HTR1F: variants seen among roughly 807,000 people sequenced by gnomAD.
HTR1F encodes the protein 5-hydroxytryptamine (serotonin) receptor 1F, G protein-coupled.
A neutral mutation model predicts 24.0 loss-of-function variants in HTR1F; 17 were observed. The ratio of observed to expected loss-of-function variants is 0.71; its 90% CI spans 0.48 to 1.06. HTR1F has a LOEUF of 1.06. Among genes scored for constraint, HTR1F ranks in the 50% least tolerant of loss-of-function variants. The pLI, the probability that HTR1F is intolerant of heterozygous loss-of-function variation, is 0.00. For missense variants in HTR1F, 391 were observed against 427.8 expected (o/e 0.91, Z 0.76); for synonymous variants, 186 against 156.8 (o/e 1.19, Z -1.39).
intron 2 of HTR1F, among the ~76,000 whole-genome samples, chr3:87,904,866 C>T (rs1218818555): frequency 6.6e-6 from 1 of 152,008 alleles, no homozygotes; most frequent in African/African-American, 2.4e-5. Flanking sequence ...TTGGAGGAGA[C>T]ATAGGGATAC....
intron 2 of HTR1F, among the ~76,000 whole-genome samples, chr3:87,847,028 A>G (rs1704960803): frequency 6.6e-6 from 1 of 151,942 alleles, no homozygotes; most frequent in South Asian, 2.1e-4. Flanking sequence ...AAAAATAAAA[A>G]CAAAAATAGC....
At chr3:87,900,881 C>T (rs1295000127) in intron 2 of HTR1F, among the ~76,000 whole-genome samples, 1 of 152,018 alleles carries the variant, frequency 6.6e-6, no homozygotes, top group Non-Finnish European at 1.5e-5. Flanking sequence ...GACATCCATG[C>T]AGAAATTTTA....
chr3:87,822,868 T>C (rs1255275984), intron 2 of HTR1F, among the ~76,000 whole-genome samples: 8 of 152,212 alleles, frequency 5.3e-5, no homozygotes, highest in Non-Finnish European at 4.4e-5. Flanking sequence ...AGGTCACTGA[T>C]CTGCTGGCTC....
intron 2 of HTR1F, among the ~76,000 whole-genome samples, chr3:87,940,034 G>T (rs1326470818): frequency 6.6e-6 from 1 of 152,172 alleles, no homozygotes; most frequent in Admixed American, 6.5e-5. Flanking sequence ...CACTGCTTTA[G>T]ATGTGTCCCA....
At chr3:87,888,033 G>A (rs1705995480) in intron 2 of HTR1F, among the ~76,000 whole-genome samples, 1 of 152,066 alleles carries the variant, frequency 6.6e-6, no homozygotes, top group South Asian at 2.1e-4. Flanking sequence ...TGTTTACTGT[G>A]GCACTGTTCA....
chr3:87,991,754 T>C lies in HTR1F; in HGVS notation c.1005T>C (p.Leu335=). The change falls in exon 3 of 3, where the codon CTT becomes CTC. Residue 335 remains leucine, a synonymous_variant. Coordinates refer to ENST00000319595, the MANE Select transcript of HTR1F (RefSeq NM_001322209.2). The part of the protein sequence containing the change: ...SEEMSNFLAW[L]GYLNSLINPL... ...AAATGTCCAATTTTTTGGCATGGCTTGGGTATCTCAATTCCCTTATAAATC... is the reference window on the plus strand; with the variant it reads ...AAATGTCCAATTTTTTGGCATGGCTCGGGTATCTCAATTCCCTTATAAATC... The C allele has an allele frequency of 6.2e-7, 1 of 1,613,774 alleles. No individual in the cohort carries two copies. The highest frequency in any genetic ancestry group is 8.5e-7 in the Non-Finnish European group (1 of 1,179,746).
intron 2 of HTR1F, among the ~76,000 whole-genome samples, chr3:87,912,213 T>G (rs1330586042): frequency 6.6e-6 from 1 of 151,936 alleles, no homozygotes; most frequent in Non-Finnish European, 1.5e-5. Flanking sequence ...AAAAAAAACT[T>G]TAGCAAAATT....
At chr3:87,944,069 G>T (rs1704637577) in intron 2 of HTR1F, among the ~76,000 whole-genome samples, 1 of 152,112 alleles carries the variant, frequency 6.6e-6, no homozygotes, top group African/African-American at 2.4e-5. Context: ...TATCAGATTA[G>T]TTATGCTCAC....
intron 2 of HTR1F, among the ~76,000 whole-genome samples, chr3:87,830,810 C>T (rs1334358396): frequency 1.3e-5 from 2 of 152,042 alleles, no homozygotes; most frequent in South Asian, 2.1e-4. Flanking sequence ...GATGGACTTG[C>T]GCCAGAGATT....
chr3:87,931,045 T>TTC (rs1704254408), intron 2 of HTR1F, among the ~76,000 whole-genome samples: 1 of 115,136 alleles, frequency 8.7e-6, no homozygotes, highest in African/African-American at 3.7e-5. Context: ...TTTTTTTTTT[T>TTC]TACTTTTTTT....
At chr3:87,839,258 G>C (rs1164829833) in intron 2 of HTR1F, among the ~76,000 whole-genome samples, 1 of 151,990 alleles carries the variant, frequency 6.6e-6, no homozygotes, top group Non-Finnish European at 1.5e-5. Context: ...GATAGTGTAA[G>C]ATAAGGGCCT....
At chr3:87,816,140 A>G (rs1704245948) in intron 1 of HTR1F, among the ~76,000 whole-genome samples, 1 of 152,086 alleles carries the variant, frequency 6.6e-6, no homozygotes, top group Admixed American at 6.5e-5. Flanking sequence ...GTGGCTAAAT[A>G]TCACTCTCTT....
At chr3:87,835,835 G>C (rs1704671714) in intron 2 of HTR1F, among the ~76,000 whole-genome samples, 1 of 151,978 alleles carries the variant, frequency 6.6e-6, no homozygotes, top group African/African-American at 2.4e-5. Context: ...GCTTTCCCTG[G>C]GCACTTATCA....
intron 2 of HTR1F, among the ~76,000 whole-genome samples, chr3:87,981,540 T>C (rs1705544815): frequency 6.6e-6 from 1 of 152,192 alleles, no homozygotes; most frequent in Non-Finnish European, 1.5e-5. Flanking sequence ...TCTTAATTAA[T>C]TGAAGTCATA....
intron 2 of HTR1F, among the ~76,000 whole-genome samples, chr3:87,886,831 G>A (rs1705958362): frequency 1.3e-5 from 2 of 152,176 alleles, no homozygotes; most frequent in East Asian, 3.9e-4. Context: ...AAATAAAGGA[G>A]GACACAAACA....
rs1190812900 is a variant in HTR1F, at chr3:87,947,852, AAT to A, written c.-42-42851_-42-42850del. Among the ~76,000 whole-genome samples the A allele has an allele frequency of 2.0e-5, 3 of 152,172 alleles. No homozygotes were observed. In the South Asian group the frequency reaches 6.2e-4, roughly 31 times the overall value. On this transcript the variant is annotated intron_variant, in intron 2 of 2. Transcript: ENST00000319595. ...TATTAAATTTGACTAATGAAATGCT[AAT>A]ATATCTTTCTTAACACACTCAAATC... is the stretch of plus-strand genomic sequence containing the variant.
At chr3:87,920,808 T>C (rs1703997792) in intron 2 of HTR1F, among the ~76,000 whole-genome samples, 3 of 152,032 alleles carry the variant, frequency 2.0e-5, no homozygotes, top group Admixed American at 1.3e-4. Flanking sequence ...AAATAATCTG[T>C]ACAACAAACC....
intron 1 of HTR1F, among the ~76,000 whole-genome samples, chr3:87,808,008 T>A (rs1490412391): frequency 6.6e-6 from 1 of 151,990 alleles, no homozygotes; most frequent in Non-Finnish European, 1.5e-5. Context: ...AATGTGCTGT[T>A]GGATTTGGTT....
intron 2 of HTR1F, among the ~76,000 whole-genome samples, chr3:87,914,082 T>C (rs1703837983): frequency 1.3e-5 from 2 of 152,002 alleles, no homozygotes; most frequent in Admixed American, 1.3e-4. Flanking sequence ...AGGGAGATGG[T>C]CCAGGAAGCT....
Sources: allele counts gnomAD v4.1 joint callset (sites outside exome capture counted in the v4.1 genomes callset), GRCh38; gene constraint gnomAD v4.1.1; transcripts MANE v1.5; gene names NCBI Gene and HGNC (gene_info 2026-07-23, HGNC 2026-07-21).